MAP3K13: variants seen among roughly 807,000 people sequenced by gnomAD.
The protein encoded by MAP3K13 is leucine zipper-bearing kinase.
In MAP3K13, 52 loss-of-function variants were observed where a neutral mutation model predicts 104.0. The observed-to-expected ratio is 0.50, with a 90% CI of 0.40 to 0.63. The LOEUF is 0.63. Ranked by LOEUF, MAP3K13 falls within the 20% of genes least tolerant of loss-of-function variation. The probability of loss-of-function intolerance (pLI) is 0.00; values close to 1 mark genes in which losing one functional copy is unlikely to be tolerated. For missense variants in MAP3K13, 914 were observed against 1,218.5 expected, an observed-to-expected ratio of 0.75 and a Z score of 3.72; for synonymous variants, 394 against 442.2, an observed-to-expected ratio of 0.89 and a Z score of 1.37.
At chr3:185,371,661 G>C (rs1282608726) in intron 1 of MAP3K13, among the ~76,000 whole-genome samples, 1 of 152,172 alleles carries the variant, frequency 6.6e-6, no homozygotes, top group Non-Finnish European at 1.5e-5. Context: ...ACTGGAGAAA[G>C]ATGACAGAAA....
At chr3:185,334,297 C>A (rs73052864) in intron 2 of MAP3K13, among the ~76,000 whole-genome samples, 1 of 152,114 alleles carries the variant, frequency 6.6e-6, no homozygotes, top group Non-Finnish European at 1.5e-5. Flanking sequence ...GCAATATTGA[C>A]GAAATTGACA....
intron 2 of MAP3K13, among the ~76,000 whole-genome samples, chr3:185,290,170 A>G (rs954403895): frequency 6.6e-6 from 1 of 152,194 alleles, no homozygotes; most frequent in Non-Finnish European, 1.5e-5. Flanking sequence ...CTTATCTAAT[A>G]GTTTTAGCGT....
Position 185,449,938 on chromosome 3 carries a change from A to C in MAP3K13, c.1049A>C (p.Glu350Ala). 6.2e-7 allele frequency: 1 copy of C among 1,613,458 alleles called. No homozygotes were observed. Among genetic ancestry groups the C allele is most frequent in the Non-Finnish European group, 8.5e-7 (1 of 1,179,766 alleles). The change falls in exon 6 of 14, where the codon GAG (glutamate) becomes GCG (alanine). Residue 350 changes from glutamate (E) to alanine (A), a missense_variant. This residue lies in a region of MAP3K13 where 175 missense variants were observed against 321.3 expected (regional missense o/e 0.54). Coordinates refer to ENST00000265026, the MANE Select transcript of MAP3K13 (RefSeq NM_004721.5). ...GTGCTTTGGGAGCTGCTGACAGGAG[A>C]GATCCCTTACAAAGATGTAGATTCT... Reference protein sequence around the residue: ...GVVLWELLTGEIPYKDVDSSA... With the variant: ...GVVLWELLTGAIPYKDVDSSA...
chr3:185,364,013 G>C (rs1189614233), intron 1 of MAP3K13, among the ~76,000 whole-genome samples: 3 of 152,184 alleles, frequency 2.0e-5, no homozygotes, highest in African/African-American at 4.8e-5. Flanking sequence ...TCGAGGGAAA[G>C]GGGGAATTAT....
chr3:185,327,973 A>G (rs1451490326), intron 2 of MAP3K13, among the ~76,000 whole-genome samples: 1 of 144,752 alleles, frequency 6.9e-6, no homozygotes, highest in Non-Finnish European at 1.5e-5. Context: ...GAGGGAAGAA[A>G]GGAAGGAAAG....
At chr3:185,346,013 A>C (rs1367366231) in intron 2 of MAP3K13, among the ~76,000 whole-genome samples, 2 of 152,236 alleles carry the variant, frequency 1.3e-5, no homozygotes, top group East Asian at 3.9e-4. Context: ...CATACCTATT[A>C]TTTATTTGTG....
In MAP3K13 at chr3:185,313,339, G is replaced by A. The variant is rs569205699; in HGVS notation, c.-86+27696G>A. ...GGCTGGAGTGCAGTGGCGTGATCTC[G>A]GCTCACTGCAACCTTTGCCTCCTGG... is the stretch of plus-strand genomic sequence containing the variant. On this transcript the variant is annotated intron_variant, in intron 2 of 14. Coordinates refer to the MAP3K13 transcript ENST00000424227. 4.1e-5 allele frequency among the ~76,000 whole-genome samples: 6 copies of A among 148,086 alleles called. No individual in the cohort carries two copies. In the South Asian group the frequency reaches 8.6e-4, roughly 21 times the overall value.
intron 2 of MAP3K13, among the ~76,000 whole-genome samples, chr3:185,326,118 C>T (rs917448537): frequency 1.3e-5 from 2 of 152,130 alleles, no homozygotes; most frequent in Non-Finnish European, 2.9e-5. Flanking sequence ...CTTGGCACCC[C>T]ATGAAATTTC....
rs1718799792 is a variant in MAP3K13 at position 185,487,971 on chromosome 3, G to C, written c.*5515G>C. ...TGTCAGGGGCGGTACCACAGAAAGG[G>C]GAAAGGCCACTTGCCTCTACCCACT... On this transcript the variant is annotated 3_prime_UTR_variant, in exon 14 of 14. Transcript: ENST00000265026. The C allele has an allele frequency of 6.6e-6, 1 of 152,184 alleles. No individual in the cohort carries two copies. Among genetic ancestry groups the C allele is most frequent in the Non-Finnish European group, 1.5e-5 (1 of 68,034 alleles). The allele number at this position is 152,184 out of a possible 1,614,324, so 9.4% of individuals were successfully genotyped here.
intron 1 of MAP3K13, among the ~76,000 whole-genome samples, chr3:185,363,664 C>T (rs1723740485): frequency 6.6e-6 from 1 of 152,184 alleles, no homozygotes; most frequent in Admixed American, 6.5e-5. Context: ...ATTCATTTCT[C>T]TGAGAGATGA....
At position 185,418,862 on chromosome 3, in the gene MAP3K13, G is replaced by T; in HGVS notation, c.-85-9635G>T. 1 of 1,404,128 alleles carries T rather than the reference G, an allele frequency of 7.1e-7. No homozygotes were observed. Among genetic ancestry groups the T allele is most frequent in the South Asian group, 1.4e-5 (1 of 71,152 alleles). 87.0% of individuals were successfully genotyped at this position (1,404,128 alleles called of 1,614,324 possible). A position where few individuals can be genotyped will look rare whatever the true frequency, so the allele number is the denominator to read the frequency against. The stretch of plus-strand genomic sequence containing the variant: ...TGTTCTTGTCTTTTCATCTGTTTTG[G>T]GTTTCAGTTCTCTTAATCATGATCA... On this transcript the variant is annotated intron_variant, in intron 1 of 13. Coordinates refer to ENST00000265026, the MANE Select transcript of MAP3K13 (RefSeq NM_004721.5). The surrounding 1 kb of genome is among the most constrained non-coding windows in gnomAD (Gnocchi z 4.5).
At chr3:185,455,834 T>TATATATGAGATATATATGAG (rs1553809022) in intron 7 of MAP3K13, among the ~76,000 whole-genome samples, 1 of 10,098 alleles carries the variant, frequency 9.9e-5, no homozygotes, top group Middle Eastern at 0.1. Flanking sequence ...ATATATGAGA[T>TATATATGAGATATATATGAG]ATATATATGA....
intron 2 of MAP3K13, among the ~76,000 whole-genome samples, chr3:185,333,371 G>A (rs1300990098): frequency 6.6e-6 from 1 of 152,046 alleles, no homozygotes; most frequent in Non-Finnish European, 1.5e-5. Flanking sequence ...TTAGTATAGG[G>A]CTAGTATGAT....
At chr3:185,454,293 G>T (rs1372548234) in intron 7 of MAP3K13, among the ~76,000 whole-genome samples, 3 of 106,360 alleles carry the variant, frequency 2.8e-5, no homozygotes, top group African/African-American at 1.2e-4. Context: ...ATATATATGA[G>T]ATATATATCA....
At position 185,418,556 on chromosome 3, in the gene MAP3K13, G is replaced by A. The variant is rs1713934846; in HGVS notation, c.-85-9941G>A. 2.5e-6 allele frequency: 4 copies of A among 1,612,118 alleles called. No individual in the cohort carries two copies. The highest frequency in any genetic ancestry group is 2.2e-5 in the East Asian group (1 of 44,890). ...CCACCACCTCGAACTCTGGGAATTC[G>A]AGCCATAGCTCTGCCAGTACCCCAA... On this transcript the variant is annotated intron_variant, in intron 1 of 13. Transcript: ENST00000265026. The surrounding 1 kb of genome is among the most constrained non-coding windows in gnomAD (Gnocchi z 4.5).
At chr3:185,312,626 A>G (rs1721533592) in intron 2 of MAP3K13, among the ~76,000 whole-genome samples, 2 of 152,220 alleles carry the variant, frequency 1.3e-5, no homozygotes, top group Non-Finnish European at 2.9e-5. Context: ...TTATCAAGTA[A>G]TTATATATGA....
intron 2 of MAP3K13, among the ~76,000 whole-genome samples, chr3:185,350,124 G>C (rs955367879): frequency 1.3e-5 from 2 of 152,300 alleles, no homozygotes; most frequent in East Asian, 3.9e-4. Context: ...ATTGATCCAA[G>C]GATTCTTGAA....
At chr3:185,305,841 C>T (rs1408593253) in intron 2 of MAP3K13, among the ~76,000 whole-genome samples, 3 of 152,032 alleles carry the variant, frequency 2.0e-5, no homozygotes, top group Non-Finnish European at 4.4e-5. Context: ...TTGCATGATG[C>T]TATGGTTTGG....
rs1715806538 is a variant in MAP3K13, at chr3:185,450,209, C to T, written c.1169+151C>T. On this transcript the variant is annotated intron_variant, in intron 6 of 13. Coordinates refer to ENST00000265026, the MANE Select transcript of MAP3K13 (RefSeq NM_004721.5). The surrounding 1 kb of genome is among the most constrained non-coding windows in gnomAD (Gnocchi z 4.2). Reference sequence around the variant, plus strand: ...CTTTCTATCTGTGCAATTTTGGGCACGTTATTCAATATCAGTTTTCTCATT... The same window carrying T: ...CTTTCTATCTGTGCAATTTTGGGCATGTTATTCAATATCAGTTTTCTCATT... 2 of 558,204 alleles carry T rather than the reference C, an allele frequency of 3.6e-6. No homozygotes were observed. The highest frequency in any genetic ancestry group is 6.7e-5 in the East Asian group (2 of 30,044). 34.6% of individuals were successfully genotyped at this position (558,204 alleles called of 1,614,324 possible).
Sources: gnomAD v4.1 joint callset for allele counts (sites outside exome capture counted in the v4.1 genomes callset) on GRCh38, gnomAD v4.1.1 for gene constraint, gnomAD v4.1.1 regional missense constraint, Gnocchi (gnomAD v3.1) non-coding constraint, MANE v1.5 for transcripts, NCBI Gene and HGNC (gene_info 2026-07-23, HGNC 2026-07-21) for gene names.